SORBS2: variants seen among roughly 807,000 people sequenced by gnomAD.
The protein encoded by SORBS2 is sorbin and SH3 domain containing 2, also known as sorbin and SH3 domain-containing protein 2.
SORBS2 carries 46 observed loss-of-function variants against 97.7 expected under a neutral mutation model. That is an observed-to-expected ratio of 0.47 (90% CI 0.37 to 0.60). The LOEUF is 0.60. SORBS2 is among the 20% of genes least tolerant of loss of function. The pLI is 0.00. For missense variants in SORBS2, 1,316 were observed against 1,282.3 expected (o/e 1.03, Z -0.40); for synonymous variants, 476 against 473.4 (o/e 1.01, Z -0.07).
chr4:185,764,750 A>T (rs2098924335), intron 2 of SORBS2, among the ~76,000 whole-genome samples: 1 of 152,160 alleles, frequency 6.6e-6, no homozygotes, highest in Non-Finnish European at 1.5e-5. Flanking sequence ...GTCTTTATTG[A>T]GTCGTTCAAA....
intron 2 of SORBS2, among the ~76,000 whole-genome samples, chr4:185,747,227 C>T (rs1302876688): frequency 6.6e-6 from 1 of 152,182 alleles, no homozygotes. Flanking sequence ...ACCAGACCTG[C>T]TCTCACCTTG....
At chr4:185,627,054 TGGA>T (rs759479615) in intron 5 of SORBS2, 35 bp from the exon 18 acceptor site, 1 of 1,603,760 alleles carries the variant, frequency 6.2e-7, no homozygotes, top group Non-Finnish European at 8.5e-7. Context: ...TGATTGGCAC[TGGA>T]GGAGGTTCGG....
intron 1 of SORBS2, among the ~76,000 whole-genome samples, chr4:185,803,306 T>C (rs923410714): frequency 6.6e-6 from 1 of 152,144 alleles, no homozygotes; most frequent in Non-Finnish European, 1.5e-5. Context: ...CAAAATTAAA[T>C]ACCAGAGCCA....
chr4:185,900,566 C>A (rs1310970699), intron 1 of SORBS2, among the ~76,000 whole-genome samples: 5 of 151,610 alleles, frequency 3.3e-5, no homozygotes, highest in Non-Finnish European at 7.4e-5. Context: ...AGGACAAAAC[C>A]AAGAACAGAT....
At chr4:185,758,441 T>A (rs538499185) in intron 2 of SORBS2, among the ~76,000 whole-genome samples, 3 of 152,314 alleles carry the variant, frequency 2.0e-5, no homozygotes, top group African/African-American at 7.2e-5. Context: ...AGGGTTCTCC[T>A]CCTCCTCCTG....
At chr4:185,825,218 T>C (rs978126490) in intron 1 of SORBS2, among the ~76,000 whole-genome samples, 6 of 151,400 alleles carry the variant, frequency 4.0e-5, no homozygotes, top group African/African-American at 1.2e-4. Flanking sequence ...TTTTGTTTTT[T>C]TTTTTACTGT....
chr4:185,742,183 G>C (rs2098731662), intron 2 of SORBS2, among the ~76,000 whole-genome samples: 1 of 152,206 alleles, frequency 6.6e-6, no homozygotes, highest in Admixed American at 6.5e-5. Context: ...AACAACCCTT[G>C]AGAATCTTAT....
rs1321735395 is a variant in SORBS2, at chr4:185,782,783, A to G, written c.-337-7417T>C. Among the ~76,000 whole-genome samples, 3 of 152,186 alleles carry G rather than the reference A, an allele frequency of 2.0e-5. No homozygotes were observed. The East Asian group carries it at 5.8e-4, about 29-fold the overall frequency. On this transcript the variant is annotated intron_variant, in intron 1 of 20. Transcript: ENST00000284776. Reference sequence around the variant, plus strand: ...AGTCATGTCAACAGGAGAGATAAGGAGAGTTTTGTGTGTCATACACTGTAG... The same window carrying G: ...AGTCATGTCAACAGGAGAGATAAGGGGAGTTTTGTGTGTCATACACTGTAG...
rs537678169 is a variant in SORBS2, at chr4:185,899,206, G to T, written c.-338+56990C>A. 2.0e-5 allele frequency among the ~76,000 whole-genome samples: 3 copies of T among 152,222 alleles called. No individual in the cohort carries two copies. In the South Asian group the frequency reaches 6.2e-4, roughly 32 times the overall value. On this transcript the variant is annotated intron_variant, in intron 1 of 20. Transcript: ENST00000284776. ...CAATGGCTGGAGGTAAGAAGCACCA[G>T]GTCCGGTCTAGATAACAGCATTTGG...
chr4:185,956,129 A>G (rs1465686747), intron 1 of SORBS2: 1 of 152,362 alleles, frequency 6.6e-6, no homozygotes, highest in East Asian at 1.9e-4. Flanking sequence ...ATCTTCCTCC[A>G]GGATCAGCAT....
At chr4:185,683,053 G>T (rs1361233343) in intron 2 of SORBS2, among the ~76,000 whole-genome samples, 1 of 151,342 alleles carries the variant, frequency 6.6e-6, no homozygotes, top group Non-Finnish European at 1.5e-5. Flanking sequence ...AAAGAAAAAG[G>T]GATCTTACTT....
Position 185,939,762 on chromosome 4 carries a change from G to A in SORBS2, c.-338+16434C>T, listed in dbSNP as rs1430546660. 4.6e-5 allele frequency among the ~76,000 whole-genome samples: 7 copies of A among 151,996 alleles called. 1 individual carries two copies. The highest frequency in any genetic ancestry group is 6.5e-5 in the Admixed American group (1 of 15,276). On this transcript the variant is annotated intron_variant, in intron 1 of 20. Coordinates refer to the SORBS2 transcript ENST00000284776. ...CAACCTCACGTGATCTGCCCGCCTC[G>A]GCCTCCCAAAGTGCTGGGATTACAG...
At chr4:185,588,522 G>A (rs1445377671) in intron 14 of SORBS2, among the ~76,000 whole-genome samples, 2 of 151,046 alleles carry the variant, frequency 1.3e-5, no homozygotes, top group Non-Finnish European at 2.9e-5. Flanking sequence ...CTATATCCTG[G>A]CACTTACTGC....
At position 185,607,983 on chromosome 4, in the gene SORBS2, G is replaced by A. The variant is rs1017478436; in HGVS notation, c.2796+3797C>T. Among the ~76,000 whole-genome samples the A allele has an allele frequency of 2.0e-5, 3 of 152,088 alleles. No individual in the cohort carries two copies. The highest frequency in any genetic ancestry group is 1.9e-4 in the East Asian group (1 of 5,192). On this transcript the variant is annotated intron_variant, in intron 12 of 14. Coordinates refer to ENST00000418609, the Ensembl canonical transcript of SORBS2. The surrounding 1 kb of genome is among the most constrained non-coding windows in gnomAD (Gnocchi z 5.2). ...TGGGGTTACAGGTGTGAGCCACCGC[G>A]CCTGGCCCTTAAGAGATTTAATGCT...
intron 2 of SORBS2, among the ~76,000 whole-genome samples, chr4:185,719,796 G>C (rs992347012): frequency 6.6e-6 from 1 of 152,188 alleles, no homozygotes; most frequent in Non-Finnish European, 1.5e-5. Flanking sequence ...TCTGCTCTAG[G>C]GTCTTGTGGG....
At chr4:185,588,423 C>T (rs1411681132) in intron 14 of SORBS2, among the ~76,000 whole-genome samples, 2 of 152,156 alleles carry the variant, frequency 1.3e-5, no homozygotes, top group East Asian at 3.9e-4. Context: ...TTGGACACTT[C>T]TTGTAAAAGT....
chr4:185,823,207 C>T (rs1207681199), intron 1 of SORBS2, among the ~76,000 whole-genome samples: 3 of 152,176 alleles, frequency 2.0e-5, no homozygotes, highest in African/African-American at 7.2e-5. Flanking sequence ...GTACCGAAGT[C>T]CTCAAAATCA....
chr4:185,604,100 CTCA>C (rs1161976418), intron 12 of SORBS2, among the ~76,000 whole-genome samples: 3 of 152,226 alleles, frequency 2.0e-5, no homozygotes, highest in Admixed American at 6.5e-5. Flanking sequence ...TGAAAACAAT[CTCA>C]TCATTACTTC....
chr4:185,603,321 T>C (rs2096314541), intron 12 of SORBS2, among the ~76,000 whole-genome samples: 1 of 152,180 alleles, frequency 6.6e-6, no homozygotes, highest in Non-Finnish European at 1.5e-5. Flanking sequence ...AAAAGAGAAA[T>C]TCTTAGCCTT....
Sources: allele counts gnomAD v4.1 joint callset (sites outside exome capture counted in the v4.1 genomes callset), GRCh38; gene constraint gnomAD v4.1.1; non-coding constraint Gnocchi (gnomAD v3.1); transcripts MANE v1.5; gene names NCBI Gene and HGNC (gene_info 2026-07-23, HGNC 2026-07-21).